SLC24A2: variants seen among roughly 807,000 people sequenced by gnomAD.
SLC24A2 encodes solute carrier family 24 member 2.
Under a neutral mutation model 62.0 loss-of-function variants are expected in SLC24A2, and 36 were observed. The observed-to-expected ratio is 0.58, with a 90% confidence interval of 0.44 to 0.77. The LOEUF (loss-of-function observed/expected upper bound fraction) is 0.77. Among genes scored for constraint, SLC24A2 ranks in the 30% least tolerant of loss-of-function variants. The pLI is 0.00. For missense variants in SLC24A2, 846 were observed against 817.9 expected (o/e 1.03, Z -0.42); for synonymous variants, 358 against 294.0 (o/e 1.22, Z -2.23).
chr9:20,011,997 T>A, the SLC24A2 span, among the ~76,000 whole-genome samples: 1 of 152,122 alleles, frequency 6.6e-6, no homozygotes, highest in Non-Finnish European at 1.5e-5. Flanking sequence ...CTTCTCATGA[T>A]AAAAACTTTT....
chr9:19,550,632 C>T (rs60946231), intron 7 of SLC24A2, among the ~76,000 whole-genome samples: 8,142 of 152,088 alleles, frequency 0.054, 700 homozygotes, highest in African/African-American at 0.18. Context: ...ATCTTTCCTT[C>T]TCCTTGAAGA....
the SLC24A2 span, among the ~76,000 whole-genome samples, chr9:19,842,728 A>C: frequency 4.6e-5 from 7 of 152,294 alleles, no homozygotes; most frequent in Admixed American, 1.3e-4. Flanking sequence ...CTACTGAACC[A>C]ATAGCTGTAT....
intron 7 of SLC24A2, among the ~76,000 whole-genome samples, chr9:19,560,895 G>GTATATA (rs1487545276): frequency 3.9e-5 from 1 of 25,730 alleles, no homozygotes; most frequent in African/African-American, 1.4e-4. Flanking sequence ...GTGTGTGTGT[G>GTATATA]TGTATATATA....
chr9:20,089,997 C>T, the SLC24A2 span, among the ~76,000 whole-genome samples: 1 of 152,146 alleles, frequency 6.6e-6, no homozygotes, highest in African/African-American at 2.4e-5. Context: ...CAAAAAGCCC[C>T]TCTGCCCCTT....
chr9:19,943,061 A>AT, the SLC24A2 span, among the ~76,000 whole-genome samples: 21 of 152,232 alleles, frequency 1.4e-4, no homozygotes, highest in Non-Finnish European at 2.4e-4. Flanking sequence ...ATATTAAAAA[A>AT]TAAGTGCTTA....
chr9:20,032,437 G>A, the SLC24A2 span, among the ~76,000 whole-genome samples: 13 of 152,142 alleles, frequency 8.5e-5, no homozygotes, highest in Middle Eastern at 3.4e-3. Context: ...AGTTTGTAAA[G>A]TGCAATAATT....
At chr9:20,221,207 G>C in the SLC24A2 span, among the ~76,000 whole-genome samples, 1 of 151,998 alleles carries the variant, frequency 6.6e-6, no homozygotes, top group Non-Finnish European at 1.5e-5. Flanking sequence ...GGAGTGTCAG[G>C]GTGGGGGGTG....
chr9:20,007,553 G>C, the SLC24A2 span, among the ~76,000 whole-genome samples: 8 of 152,062 alleles, frequency 5.3e-5, no homozygotes, highest in Non-Finnish European at 8.8e-5. Context: ...ATCCATATAG[G>C]TGTTTATAAA....
At chr9:19,798,839 G>T in the SLC24A2 span, among the ~76,000 whole-genome samples, 1 of 152,078 alleles carries the variant, frequency 6.6e-6, no homozygotes, top group African/African-American at 2.4e-5. Context: ...CTCAAATAAG[G>T]TATGCCCTTT....
At chr9:19,949,874 TG>T in the SLC24A2 span, among the ~76,000 whole-genome samples, 1 of 152,206 alleles carries the variant, frequency 6.6e-6, no homozygotes, top group South Asian at 2.1e-4. Context: ...CCTACCAGTC[TG>T]CATGTTTATG....
chr9:19,532,679 A>G (rs1165219074), intron 8 of SLC24A2, among the ~76,000 whole-genome samples: 1 of 152,204 alleles, frequency 6.6e-6, no homozygotes, highest in Non-Finnish European at 1.5e-5. Context: ...GCGTCTTTCT[A>G]GCTGGGTGTG....
At chr9:20,275,843 G>A in the SLC24A2 span, among the ~76,000 whole-genome samples, 2 of 152,170 alleles carry the variant, frequency 1.3e-5, no homozygotes, top group African/African-American at 2.4e-5. Context: ...TTACATGGTG[G>A]CAGGGAAGAC....
chr9:19,628,271 T>C (rs1246388905), intron 2 of SLC24A2, among the ~76,000 whole-genome samples: 1 of 152,178 alleles, frequency 6.6e-6, no homozygotes, highest in Non-Finnish European at 1.5e-5. Context: ...CTGGCTAAAT[T>C]AACAGTAATG....
the SLC24A2 span, among the ~76,000 whole-genome samples, chr9:19,934,567 C>T: frequency 2.0e-5 from 3 of 152,308 alleles, no homozygotes; most frequent in African/African-American, 2.4e-5. This position sits in a 1 kb window ranked among gnomAD's most constrained non-coding sequence, Gnocchi z 4.1. Context: ...GAGCCTCCTG[C>T]GCTGCCTGCC....
At chr9:20,223,581 C>A in the SLC24A2 span, among the ~76,000 whole-genome samples, 1 of 152,112 alleles carries the variant, frequency 6.6e-6, no homozygotes, top group Non-Finnish European at 1.5e-5. Context: ...TATAATTTAT[C>A]ATAAAGCTTA....
At chr9:20,174,987 GAT>G in the SLC24A2 span, among the ~76,000 whole-genome samples, 3 of 141,464 alleles carry the variant, frequency 2.1e-5, no homozygotes, top group African/African-American at 2.6e-5. Flanking sequence ...TAAAGAAGCT[GAT>G]ATATATATAT....
intron 4 of SLC24A2, among the ~76,000 whole-genome samples, chr9:19,613,172 C>A (rs1380712622): frequency 6.6e-6 from 1 of 152,180 alleles, no homozygotes; most frequent in African/African-American, 2.4e-5. Context: ...ACTTTGTTAT[C>A]TCTTTGTTCA....
the SLC24A2 span, among the ~76,000 whole-genome samples, chr9:20,299,359 A>G: frequency 6.6e-6 from 1 of 152,202 alleles, no homozygotes; most frequent in African/African-American, 2.4e-5. Context: ...GTGGGAATAC[A>G]CTAAGGGTGG....
chr9:20,131,382 T>C, the SLC24A2 span, among the ~76,000 whole-genome samples: 1 of 152,000 alleles, frequency 6.6e-6, no homozygotes, highest in African/African-American at 2.4e-5. Flanking sequence ...GAATCCAAAG[T>C]AGACAAATAA....
Sources: gnomAD v4.1 joint callset for allele counts (sites outside exome capture counted in the v4.1 genomes callset) on GRCh38, gnomAD v4.1.1 for gene constraint, Gnocchi (gnomAD v3.1) non-coding constraint, MANE v1.5 for transcripts, NCBI Gene and HGNC (gene_info 2026-07-23, HGNC 2026-07-21) for gene names.